Variants in SCFD2 observed in about 807,000 individuals in gnomAD.
SCFD2 encodes the protein sec1 family domain containing 2, also known as sec1 family domain-containing protein 2.
A neutral mutation model predicts 58.9 loss-of-function variants in SCFD2; 54 were observed. That is an observed-to-expected ratio of 0.92 (90% CI 0.74 to 1.15). The LOEUF (loss-of-function observed/expected upper bound fraction) is 1.15. Among genes scored for constraint, SCFD2 ranks in the 50% most tolerant of loss-of-function variants. SCFD2 has a pLI of 0.00. For synonymous variants in SCFD2, 321 were observed against 335.9 expected (o/e 0.96, Z 0.49); for missense variants, 805 against 836.6 (o/e 0.96, Z 0.47).
chr4:53,294,741 T>C (rs1731963025), intron 3 of SCFD2, among the ~76,000 whole-genome samples: 3 of 152,244 alleles, frequency 2.0e-5, no homozygotes, highest in Non-Finnish European at 2.9e-5. Context: ...TGGTATTGCC[T>C]AGGTTTTCTT....
chr4:53,264,858 G>A (rs1163325870), intron 4 of SCFD2, among the ~76,000 whole-genome samples: 2 of 152,094 alleles, frequency 1.3e-5, no homozygotes, highest in Non-Finnish European at 2.9e-5. Flanking sequence ...CAATAAAATA[G>A]ATGCCTATTT....
chr4:53,003,455 C>G (rs184390369), intron 5 of SCFD2, among the ~76,000 whole-genome samples: 1 of 152,320 alleles, frequency 6.6e-6, no homozygotes, highest in East Asian at 1.9e-4. Flanking sequence ...AGCTATCATA[C>G]TGGGTAATGC....
At chr4:52,905,068 T>C (rs562169452) in intron 7 of SCFD2, among the ~76,000 whole-genome samples, 2 of 152,306 alleles carry the variant, frequency 1.3e-5, no homozygotes, top group Non-Finnish European at 2.9e-5. Flanking sequence ...CTGTATAACT[T>C]TGGATAGTAA....
intron 3 of SCFD2, among the ~76,000 whole-genome samples, chr4:53,288,169 G>A (rs1158711755): frequency 8.6e-5 from 13 of 151,972 alleles, no homozygotes; most frequent in East Asian, 5.8e-4. Context: ...CTGTGAACTC[G>A]AAGACAGTTC....
At chr4:52,933,629 A>C (rs1187877412) in intron 5 of SCFD2, among the ~76,000 whole-genome samples, 1 of 152,184 alleles carries the variant, frequency 6.6e-6, no homozygotes, top group Admixed American at 6.5e-5. Flanking sequence ...AGCCGGCTCC[A>C]TGATCTGAAG....
At chr4:53,211,343 C>T (rs1367326610) in intron 4 of SCFD2, among the ~76,000 whole-genome samples, 1 of 152,004 alleles carries the variant, frequency 6.6e-6, no homozygotes, top group East Asian at 1.9e-4. Flanking sequence ...GGCATGGAAG[C>T]TCCATTCCCC....
chr4:52,975,960 G>T (rs1035414228), intron 5 of SCFD2, among the ~76,000 whole-genome samples: 1 of 147,614 alleles, frequency 6.8e-6, no homozygotes, highest in African/African-American at 2.5e-5. Flanking sequence ...ACTCATAGGT[G>T]GGAATTGAAC....
At chr4:53,153,491 GC>G (rs1726573962) in intron 4 of SCFD2, among the ~76,000 whole-genome samples, 1 of 152,194 alleles carries the variant, frequency 6.6e-6, no homozygotes, top group Non-Finnish European at 1.5e-5. Flanking sequence ...GGGCAGTGGG[GC>G]CTCAGATCTG....
chr4:53,097,031 G>A (rs1041768439), intron 5 of SCFD2, among the ~76,000 whole-genome samples: 54 of 152,150 alleles, frequency 3.5e-4, no homozygotes, highest in Non-Finnish European at 7.8e-4. Flanking sequence ...TTGTAGATGT[G>A]TGGTATTATT....
At chr4:52,901,585 T>C (rs980071378) in intron 7 of SCFD2, among the ~76,000 whole-genome samples, 3 of 152,192 alleles carry the variant, frequency 2.0e-5, no homozygotes, top group Non-Finnish European at 4.4e-5. Flanking sequence ...TTTCTGACTA[T>C]ATGAATGAGC....
chr4:53,292,904 C>G (rs752720602), intron 3 of SCFD2, among the ~76,000 whole-genome samples: 1 of 151,900 alleles, frequency 6.6e-6, no homozygotes. Context: ...AGCGTTAGGA[C>G]AAATATGTAA....
chr4:53,090,609 A>T (rs1286698911), intron 5 of SCFD2, among the ~76,000 whole-genome samples: 1 of 152,212 alleles, frequency 6.6e-6, no homozygotes, highest in Non-Finnish European at 1.5e-5. Flanking sequence ...AACACTGAGC[A>T]TGGCAGTGGT....
chr4:53,033,182 C>G (rs1313311331), intron 5 of SCFD2, among the ~76,000 whole-genome samples: 2 of 152,252 alleles, frequency 1.3e-5, no homozygotes, highest in Non-Finnish European at 2.9e-5. Flanking sequence ...AACTGCCTAA[C>G]TACATGGAAA....
Position 53,363,201 on chromosome 4 carries a change from T to C in SCFD2, c.838+1903A>G, listed in dbSNP as rs188433154. Among the ~76,000 whole-genome samples the C allele has an allele frequency of 1.9e-3, 290 of 152,246 alleles. 1 individual carries two copies. Among genetic ancestry groups the C allele is most frequent in the African/African-American group, 6.7e-3 (279 of 41,542 alleles). ...CCCAGGTTGGAGTGCAGGGATGTGA[T>C]GGTGGTTCACTGCAACCTCTGCCTT... On this transcript the variant is annotated intron_variant, in intron 1 of 8. Transcript: ENST00000401642.
At chr4:52,930,364 T>C (rs555388882) in intron 5 of SCFD2, among the ~76,000 whole-genome samples, 3 of 152,226 alleles carry the variant, frequency 2.0e-5, no homozygotes, top group East Asian at 1.9e-4. Context: ...TAACTCAAGA[T>C]GGATTAAATA....
intron 5 of SCFD2, among the ~76,000 whole-genome samples, chr4:52,988,654 G>T (rs1177048190): frequency 6.6e-6 from 1 of 152,110 alleles, no homozygotes; most frequent in Admixed American, 6.5e-5. Flanking sequence ...TCTGAGGGAC[G>T]CCAAACCTCC....
At chr4:53,259,926 CT>C (rs1730779227) in intron 4 of SCFD2, among the ~76,000 whole-genome samples, 1 of 148,854 alleles carries the variant, frequency 6.7e-6, no homozygotes, top group Non-Finnish European at 1.5e-5. Context: ...TTGCAGAGGT[CT>C]TTCACCTCCT....
intron 4 of SCFD2, among the ~76,000 whole-genome samples, chr4:53,210,515 C>T (rs1264107343): frequency 6.6e-6 from 1 of 151,936 alleles, no homozygotes; most frequent in Non-Finnish European, 1.5e-5. Flanking sequence ...GAAGGAGAGA[C>T]GAGAATCCAG....
intron 2 of SCFD2, among the ~76,000 whole-genome samples, chr4:53,330,090 C>T (rs554168526): frequency 6.6e-6 from 1 of 152,130 alleles, no homozygotes; most frequent in South Asian, 2.1e-4. Flanking sequence ...AAATATGGGA[C>T]TATGTGAAAA....
Sources: gnomAD v4.1 joint callset for allele counts (sites outside exome capture counted in the v4.1 genomes callset) on GRCh38, gnomAD v4.1.1 for gene constraint, MANE v1.5 for transcripts, NCBI Gene and HGNC (gene_info 2026-07-23, HGNC 2026-07-21) for gene names.